Variants in RP1 observed in about 807,000 individuals in gnomAD.
RP1 encodes RP1 axonemal microtubule associated, also known as oxygen-regulated protein 1.
A neutral mutation model predicts 14.8 loss-of-function variants in RP1; 16 were observed. That is an observed-to-expected ratio of 1.08 (90% CI 0.73 to 1.65). The LOEUF is 1.65. Ranked by LOEUF, RP1 falls within the 40% of genes most tolerant of loss-of-function variation. The probability of loss-of-function intolerance (pLI) is 0.00; values close to 1 mark genes in which losing one functional copy is unlikely to be tolerated. For synonymous variants in RP1, 876 were observed against 883.6 expected, an observed-to-expected ratio of 0.99 and a Z score of 0.15; for missense variants, 2,631 against 2,535.0, an observed-to-expected ratio of 1.04 and a Z score of -0.81.
chr8:54,786,687 G>A (rs1401428504), intron 24 of RP1, among the ~76,000 whole-genome samples: 2 of 151,996 alleles, frequency 1.3e-5, no homozygotes, highest in Non-Finnish European at 2.9e-5. Flanking sequence ...CTTTTGTGGA[G>A]CACTGGATTT....
exon 29 of RP1, chr8:54,870,850 C>T (rs1298355108): frequency 1.3e-5 from 2 of 152,072 alleles, no homozygotes; most frequent in Non-Finnish European, 2.9e-5. Context: ...GCCAAGTGAC[C>T]TGCCCAAGCT....
chr8:54,687,852 G>C (rs537125629), intron 12 of RP1, among the ~76,000 whole-genome samples: 1 of 152,156 alleles, frequency 6.6e-6, no homozygotes, highest in East Asian at 1.9e-4. Context: ...GGGTCAAATG[G>C]TATTTCTGGT....
chr8:54,739,145 A>C, intron 19 of RP1: 2 of 612,938 alleles, frequency 3.3e-6, no homozygotes, highest in Non-Finnish European at 5.4e-6. Flanking sequence ...CTTGACTTAC[A>C]GTGGGGTTAT....
intron 1 of RP1, among the ~76,000 whole-genome samples, chr8:54,592,567 T>C (rs1270317731): frequency 1.3e-5 from 2 of 152,252 alleles, no homozygotes; most frequent in Admixed American, 6.5e-5. Context: ...AGTATTCTTC[T>C]ATTAGATTCC....
intron 1 of RP1, among the ~76,000 whole-genome samples, chr8:54,597,749 T>C (rs1482277747): frequency 6.6e-6 from 1 of 152,166 alleles, no homozygotes; most frequent in African/African-American, 2.4e-5. Flanking sequence ...GACCTCCATA[T>C]TGTGTGTCCA....
intron 23 of RP1, among the ~76,000 whole-genome samples, chr8:54,777,269 T>G (rs1232330558): frequency 6.6e-6 from 1 of 152,224 alleles, no homozygotes; most frequent in African/African-American, 2.4e-5. Context: ...GTAGTCCCAC[T>G]GTGCACGTGT....
rs750705103 is a variant in RP1 at position 54,626,926 on chromosome 8, C to T, written c.3044C>T (p.Ala1015Val). ...ACACAGGTTGGATCTCTGAATGATGCTTATTTGGTTCCCCTGCATGAACAC... is the reference window on the plus strand; with the variant it reads ...ACACAGGTTGGATCTCTGAATGATGTTTATTTGGTTCCCCTGCATGAACAC... ...HETQVGSLND[A>V]YLVPLHEHCT... The change falls in exon 4 of 4, where the codon GCT (alanine) becomes GTT (valine). Residue 1015 changes from alanine (A) to valine (V), a missense_variant. Ala to Val is a moderately conservative substitution (Grantham distance 64). Coordinates refer to ENST00000220676, the MANE Select transcript of RP1 (RefSeq NM_006269.2). The T allele has an allele frequency of 2.5e-6, 4 of 1,613,808 alleles. No individual in the cohort carries two copies. In the East Asian group the frequency reaches 6.7e-5, roughly 27 times the overall value.
chr8:54,640,410 A>T (rs1258691825), intron 3 of RP1, among the ~76,000 whole-genome samples: 2 of 152,142 alleles, frequency 1.3e-5, no homozygotes, highest in Non-Finnish European at 2.9e-5. Flanking sequence ...AATTTTTCCA[A>T]CTTTGTTCTC....
chr8:54,823,945 C>T (rs1474764584), intron 24 of RP1, among the ~76,000 whole-genome samples: 1 of 152,118 alleles, frequency 6.6e-6, no homozygotes. Context: ...TCCCTGCAAG[C>T]ATTTGATAGT....
chr8:54,757,649 A>G (rs1488472110), intron 21 of RP1, among the ~76,000 whole-genome samples: 9 of 152,250 alleles, frequency 5.9e-5, no homozygotes, highest in Admixed American at 5.9e-4. Flanking sequence ...CAGACACAGA[A>G]GCAGGAGACA....
At chr8:54,734,931 C>T (rs1563361572) in intron 18 of RP1, among the ~76,000 whole-genome samples, 1 of 151,994 alleles carries the variant, frequency 6.6e-6, no homozygotes, top group Non-Finnish European at 1.5e-5. Context: ...ATATCTTATT[C>T]AAGCAAGGAA....
intron 7 of RP1, among the ~76,000 whole-genome samples, chr8:54,669,589 G>A (rs1341492670): frequency 3.3e-5 from 5 of 152,164 alleles, no homozygotes; most frequent in African/African-American, 1.2e-4. Flanking sequence ...TATGTTTATT[G>A]TGTCACTATT....
chr8:54,621,764 C>A (rs555435542), intron 2 of RP1, among the ~76,000 whole-genome samples, 183 bp downstream of exon 2: 1 of 152,272 alleles, frequency 6.6e-6, no homozygotes, highest in East Asian at 1.9e-4. Flanking sequence ...GGAATCTCAT[C>A]TTTCCCTCAT....
At chr8:54,703,880 T>C (rs1215489985) in intron 14 of RP1, among the ~76,000 whole-genome samples, 1 of 152,210 alleles carries the variant, frequency 6.6e-6, no homozygotes, top group Non-Finnish European at 1.5e-5. Context: ...AACCAACCTC[T>C]GCTAGCTTCA....
intron 17 of RP1, among the ~76,000 whole-genome samples, chr8:54,732,654 A>T (rs1808822649): frequency 6.6e-6 from 1 of 152,178 alleles, no homozygotes; most frequent in Admixed American, 6.5e-5. Flanking sequence ...GAACTCATGG[A>T]TGTGCTGTGG....
chr8:54,622,769 T>C (rs2129315022), intron 3 of RP1, among the ~76,000 whole-genome samples: 1 of 152,356 alleles, frequency 6.6e-6, no homozygotes, highest in East Asian at 1.9e-4. Context: ...CCACATTTTA[T>C]TTATTAAATA....
At chr8:54,644,267 G>T (rs1806503731) in intron 3 of RP1, among the ~76,000 whole-genome samples, 1 of 152,158 alleles carries the variant, frequency 6.6e-6, no homozygotes, top group Non-Finnish European at 1.5e-5. Context: ...AGATTTCAAG[G>T]CCTGAGAGTA....
rs201929851 is a variant in RP1 at position 54,570,550 on chromosome 8, ACTC to A, written c.-13+11233_-13+11235del. ...CACCATCTTGGCCAGGCTGTCTCGA[ACTC>A]CTGACCTCTGGTGATCTGCCCACCT... On this transcript the variant is annotated intron_variant, in intron 1 of 22. Coordinates refer to the RP1 transcript ENST00000636932. Among the ~76,000 whole-genome samples the A allele has an allele frequency of 6.7e-3, 1,005 of 150,496 alleles. 6 individuals carry two copies. Among genetic ancestry groups the A allele is most frequent in the African/African-American group, 0.023 (941 of 41,016 alleles).
intron 27 of RP1, among the ~76,000 whole-genome samples, chr8:54,860,897 ATGTGGTAGGTAGGCTGGAGG>A (rs1158972517): frequency 1.3e-5 from 2 of 152,214 alleles, no homozygotes; most frequent in African/African-American, 4.8e-5. Flanking sequence ...AAAGAAGAAA[ATGTGGTAGGTAGGCTGGAGG>A]TGAGGGCCAA....
Sources: gnomAD v4.1 joint callset for allele counts (sites outside exome capture counted in the v4.1 genomes callset) on GRCh38, gnomAD v4.1.1 for gene constraint, MANE v1.5 for transcripts, NCBI Gene and HGNC (gene_info 2026-07-23, HGNC 2026-07-21) for gene names.